The following ACOT4 variants were observed in gnomAD, a reference collection of about 807,000 sequenced individuals.
The protein encoded by ACOT4 is acyl-CoA thioesterase 4, also known as peroxisomal succinyl-coenzyme A thioesterase.
A neutral mutation model predicts 17.1 loss-of-function variants in ACOT4; 18 were observed. The ratio of observed to expected loss-of-function variants is 1.05; its 90% confidence interval spans 0.73 to 1.56. The LOEUF is 1.56. Among genes scored for constraint, ACOT4 ranks in the 40% most tolerant of loss-of-function variants. The pLI is 0.00. For missense variants in ACOT4, 574 were observed against 557.2 expected (o/e 1.03, Z -0.30); for synonymous variants, 234 against 236.6 (o/e 0.99, Z 0.10).
Position 73,595,687 on chromosome 14 carries a change from A to C in ACOT4, c.*33A>C. 1 of 1,507,970 alleles carries C rather than the reference A, an allele frequency of 6.6e-7. No homozygotes were observed. 93.4% of individuals were successfully genotyped at this position (1,507,970 alleles called of 1,614,324 possible). Reference sequence around the variant, plus strand: ...GTCTGTTGTTGACATGAGAGATTCAAGATCAGATTCTAGTGTTCAGTAACC... The same window carrying C: ...GTCTGTTGTTGACATGAGAGATTCACGATCAGATTCTAGTGTTCAGTAACC... On this transcript the variant is annotated 3_prime_UTR_variant, in exon 3 of 3. Coordinates refer to ENST00000326303, the MANE Select transcript of ACOT4 (RefSeq NM_152331.4).
intron 1 of ACOT4, among the ~76,000 whole-genome samples, chr14:73,593,114 G>A (rs1327224057): frequency 1.3e-5 from 2 of 152,176 alleles, no homozygotes; most frequent in African/African-American, 2.4e-5. Context: ...GTCTTCTCTA[G>A]TGTTCTAGGC....
At chr14:73,592,860 G>C (rs1450583576) in intron 1 of ACOT4, among the ~76,000 whole-genome samples, 2 of 151,438 alleles carry the variant, frequency 1.3e-5, no homozygotes, top group Non-Finnish European at 3.0e-5. Context: ...CTCAAAAAAA[G>C]AAAAAAGAAA....
rs769874263 is a variant in ACOT4, at chr14:73,595,458, G to A, written c.1070G>A (p.Gly357Glu). ...AAACCCCAGATCATCTGTTACCCTG[G>A]GACTGGGCATTACATCGAGCCTCCT... is the stretch of plus-strand genomic sequence containing the variant. ...KEKPQIICYP[G>E]TGHYIEPPYF... The change falls in exon 3 of 3, where the codon GGG becomes GAG. Residue 357 changes from glycine (G) to glutamate (E), a missense_variant. Physicochemically the swap from Gly to Glu is moderately conservative, Grantham distance 98. Coordinates refer to ENST00000326303, the MANE Select transcript of ACOT4 (RefSeq NM_152331.4). 25 of 1,614,060 alleles carry A rather than the reference G, an allele frequency of 1.5e-5. No homozygotes were observed. Among genetic ancestry groups the A allele is most frequent in the Non-Finnish European group, 2.1e-5 (25 of 1,180,044 alleles).
rs747178069 is a variant in ACOT4, at chr14:73,593,715, C to A, written c.471C>A (p.Phe157Leu). 5.0e-6 allele frequency: 8 copies of A among 1,611,674 alleles called. No individual in the cohort carries two copies. The South Asian group carries it at 8.8e-5, about 18-fold the overall frequency. ...TTTGTTCTCTAGGACCTGGACCCTT[C>A]CCAGGGATCATTGACATCTTTGGTA... is the stretch of plus-strand genomic sequence containing the variant. ...TLFLPPGPGP[F>L]PGIIDIFGIG... is the part of the protein sequence containing the mutation. The change falls in exon 2 of 3, where the codon TTC (phenylalanine) becomes TTA (leucine). Residue 157 changes from phenylalanine (F) to leucine (L), a missense_variant. Phe to Leu is a conservative substitution (Grantham distance 22). Transcript: ENST00000326303.
In ACOT4 at chr14:73,595,598, G is replaced by C. The variant is rs1890234747; in HGVS notation, c.1210G>C (p.Ala404Pro). The stretch of plus-strand genomic sequence containing the variant: ...GGAAGATGCCTGGAAGCAAATTCTA[G>C]CCTTCTTCTGCAAACACCTGGGAGG... ...AQEDAWKQIL[A>P]FFCKHLGGTQ... The change falls in exon 3 of 3, where the codon GCC (alanine) becomes CCC (proline). Residue 404 changes from alanine (A) to proline (P), a missense_variant. Physicochemically the swap from Ala to Pro is conservative, Grantham distance 27 (BLOSUM62 -1). Transcript: ENST00000326303. 1 of 1,564,332 alleles carries C rather than the reference G, an allele frequency of 6.4e-7. No individual in the cohort carries two copies. Among genetic ancestry groups the C allele is most frequent in the South Asian group, 1.2e-5 (1 of 84,442 alleles).
Position 73,592,345 on chromosome 14 carries a change from T to G in ACOT4, c.386T>G (p.Phe129Cys). 1 of 1,597,760 alleles carries G rather than the reference T, an allele frequency of 6.3e-7. No individual in the cohort carries two copies. Among genetic ancestry groups the G allele is most frequent in the Non-Finnish European group, 8.5e-7 (1 of 1,173,496 alleles). The change falls in exon 1 of 3, where the codon TTC becomes TGC. Residue 129 changes from phenylalanine to cysteine, a missense_variant. By Grantham distance (205) the Phe-to-Cys change is radical. Coordinates refer to ENST00000326303, the MANE Select transcript of ACOT4 (RefSeq NM_152331.4). Reference protein sequence around the residue: ...LLCQAQHERHFLPPGVRRQSV... With the variant: ...LLCQAQHERHCLPPGVRRQSV... ...TGCCAGGCGCAGCACGAGCGCCACT[T>G]CCTCCCGCCAGGGGTGCGGCGCCAG...
Position 73,592,067 on chromosome 14 carries a change from G to A in ACOT4, c.108G>A (p.Ala36=), listed in dbSNP as rs1890158040. The A allele has an allele frequency of 1.4e-6, 2 of 1,479,936 alleles. No individual in the cohort carries two copies. Among genetic ancestry groups the A allele is most frequent in the Non-Finnish European group, 8.9e-7 (1 of 1,117,376 alleles). 91.7% of individuals were successfully genotyped at this position (1,479,936 alleles called of 1,614,324 possible). A position where few individuals can be genotyped will look rare whatever the true frequency, so the allele number is the denominator to read the frequency against. Residue 36 remains alanine, a synonymous_variant, in exon 1 of 3, where the codon GCG becomes GCA. Coordinates refer to ENST00000326303, the MANE Select transcript of ACOT4 (RefSeq NM_152331.4). ...LAPEQRVTLR[A]SLRDEKGALF... ...CGGAGCAGCGGGTTACGCTGCGCGC[G>A]TCCCTGCGCGACGAGAAGGGCGCGC...
At position 73,595,712 on chromosome 14, in the gene ACOT4, C is replaced by G; in HGVS notation, c.*58C>G. The G allele has an allele frequency of 1.3e-6, 2 of 1,486,364 alleles. No individual in the cohort carries two copies. Among genetic ancestry groups the G allele is most frequent in the South Asian group, 1.5e-5 (1 of 68,920 alleles). The allele number at this position is 1,486,364 out of a possible 1,614,324, so 92.1% of individuals were successfully genotyped here. ...AGATCAGATTCTAGTGTTCAGTAAC[C>G]CTATGTGAATCAGATGTCTCCTGGA... On this transcript the variant is annotated 3_prime_UTR_variant, in exon 3 of 3. Transcript: ENST00000326303.
Position 73,595,565 on chromosome 14 carries a change from A to G in ACOT4, c.1177A>G (p.Lys393Glu). ...IWGGEPRAHS[K>E]AQEDAWKQIL... ...GGGTGGGGAGCCCAGGGCTCATTCT[A>G]AGGCCCAGGAAGATGCCTGGAAGCA... The change falls in exon 3 of 3, where the codon AAG (lysine) becomes GAG (glutamate). Residue 393 changes from lysine to glutamate, a missense_variant. Physicochemically the swap from Lys to Glu is moderately conservative, Grantham distance 56. Transcript: ENST00000326303. The G allele has an allele frequency of 6.3e-7, 1 of 1,584,926 alleles. No individual in the cohort carries two copies. The highest frequency in any genetic ancestry group is 8.6e-7 in the Non-Finnish European group (1 of 1,161,730).
Position 73,595,250 on chromosome 14 carries a change from G to C in ACOT4, c.862G>C (p.Gly288Arg), listed in dbSNP as rs1045318215. 2 of 1,614,054 alleles carry C rather than the reference G, an allele frequency of 1.2e-6. No homozygotes were observed. The highest frequency in any genetic ancestry group is 1.7e-6 in the Non-Finnish European group (2 of 1,180,054). The change falls in exon 3 of 3, where the codon GGC becomes CGC. Residue 288 changes from glycine to arginine, a missense_variant. Gly to Arg is a moderately radical substitution (Grantham distance 125). Transcript: ENST00000326303. ...DLRRIKVAFS[G>R]LVDIVDIRNA... ...GAGGAGAATCAAGGTAGCTTTCTCA[G>C]GCCTCGTGGACATTGTGGATATAAG...
Position 73,595,475 on chromosome 14 carries a change from G to T in ACOT4, c.1087G>T (p.Glu363Ter), listed in dbSNP as rs751971603. Residue 363 changes from glutamate to a stop codon, truncating the protein, a stop_gained, in exon 3 of 3, where the codon GAG becomes TAG. Coordinates refer to ENST00000326303, the MANE Select transcript of ACOT4 (RefSeq NM_152331.4). LOFTEE classifies it low-confidence loss of function (END_TRUNC). ...ICYPGTGHYI[E>*]PPYFPLCPAS... Reference sequence around the variant, plus strand: ...TTACCCTGGGACTGGGCATTACATCGAGCCTCCTTACTTCCCCCTGTGCCC... The same window carrying T: ...TTACCCTGGGACTGGGCATTACATCTAGCCTCCTTACTTCCCCCTGTGCCC... 16 of 1,613,934 alleles carry T rather than the reference G, an allele frequency of 9.9e-6. No homozygotes were observed. Among genetic ancestry groups the T allele is most frequent in the Non-Finnish European group, 1.4e-5 (16 of 1,179,962 alleles).
intron 1 of ACOT4, among the ~76,000 whole-genome samples, 168 bp from the exon 2 acceptor site, chr14:73,593,534 G>A (rs915523612): frequency 6.6e-6 from 1 of 151,334 alleles, no homozygotes; most frequent in Non-Finnish European, 1.5e-5. Context: ...GTAGAGATGG[G>A]GTCTCACTAC....
chr14:73,592,012 C>G lies in ACOT4; in HGVS notation c.53C>G (p.Pro18Arg). 2.8e-6 allele frequency: 4 copies of G among 1,433,886 alleles called. No individual in the cohort carries two copies. Among genetic ancestry groups the G allele is most frequent in the Non-Finnish European group, 3.6e-6 (4 of 1,096,162 alleles). 88.8% of individuals were successfully genotyped at this position (1,433,886 alleles called of 1,614,324 possible). ...CCAGGCCGCTGCTGCTGGAACGAGC[C>G]GGTGCGCATTGCCGTGCGCGGCCTG... Reference protein sequence around the residue: ...EPPGRCCWNEPVRIAVRGLAP... With the variant: ...EPPGRCCWNERVRIAVRGLAP... Residue 18 changes from proline (P) to arginine (R), a missense_variant, in exon 1 of 3, where the codon CCG (proline) becomes CGG (arginine). Physicochemically the swap from Pro to Arg is moderately radical, Grantham distance 103. Coordinates refer to ENST00000326303, the MANE Select transcript of ACOT4 (RefSeq NM_152331.4).
At position 73,595,091 on chromosome 14, in the gene ACOT4, G is replaced by A. The variant is rs979429208; in HGVS notation, c.703G>A (p.Ala235Thr). The change falls in exon 3 of 3, where the codon GCT becomes ACT. Residue 235 changes from alanine (A) to threonine (T), a missense_variant. Physicochemically the swap from Ala to Thr is moderately conservative, Grantham distance 58. Transcript: ENST00000326303. ...TGGGCTTTTGGGCATTTCTCTAGGA[G>A]CTGATATTTGTCTCTCAATGGCCTC... ...GIGLLGISLG[A>T]DICLSMASFL... The A allele has an allele frequency of 2.5e-6, 4 of 1,614,014 alleles. No individual in the cohort carries two copies. The highest frequency in any genetic ancestry group is 2.5e-6 in the Non-Finnish European group (3 of 1,180,036).
At position 73,595,535 on chromosome 14, in the gene ACOT4, A is replaced by C. The variant is rs745754725; in HGVS notation, c.1147A>C (p.Ile383Leu). The change falls in exon 3 of 3, where the codon ATA becomes CTA. Residue 383 changes from isoleucine (I) to leucine (L), a missense_variant. Coordinates refer to ENST00000326303, the MANE Select transcript of ACOT4 (RefSeq NM_152331.4). ...TCACAGATTACTGAACAAACATGTT[A>C]TATGGGGTGGGGAGCCCAGGGCTCA... ...SLHRLLNKHVIWGGEPRAHSK... is the reference protein window; with the variant it reads ...SLHRLLNKHVLWGGEPRAHSK... The C allele has an allele frequency of 3.9e-5, 63 of 1,610,884 alleles. No individual in the cohort carries two copies. Among genetic ancestry groups the C allele is most frequent in the Non-Finnish European group, 5.3e-5 (62 of 1,177,446 alleles).
intron 1 of ACOT4, among the ~76,000 whole-genome samples, chr14:73,592,678 C>A (rs1890175644): frequency 6.6e-6 from 1 of 152,052 alleles, no homozygotes; most frequent in South Asian, 2.1e-4. Context: ...CATGGTGAAA[C>A]GCTGACTCTA....
At position 73,593,656 on chromosome 14, in the gene ACOT4, C is replaced by A. The variant is rs749197221; in HGVS notation, c.458-46C>A. ...CAGTGTCCAGCCAGGAAAGCAAATT[C>A]TTTAAATTGTATAATGGCTTACATT... On this transcript the variant is annotated intron_variant, in intron 1 of 2. Transcript: ENST00000326303. 6.5e-6 allele frequency: 10 copies of A among 1,528,712 alleles called. No homozygotes were observed. In the African/African-American group the frequency reaches 6.9e-5, roughly 11 times the overall value. 94.7% of individuals were successfully genotyped at this position (1,528,712 alleles called of 1,614,324 possible).
In ACOT4 at chr14:73,592,154, A is replaced by C. The variant is rs752412509; in HGVS notation, c.195A>C (p.Ala65=). The part of the protein sequence containing the change: ...DARGELDLER[A]PALGGSFAGL... ...GCGGCGAGCTGGACCTGGAGCGCGC[A>C]CCCGCGCTGGGCGGCAGCTTCGCGG... The change falls in exon 1 of 3, where the codon GCA becomes GCC. Residue 65 remains alanine, a synonymous_variant. Transcript: ENST00000326303. 8 of 1,596,702 alleles carry C rather than the reference A, an allele frequency of 5.0e-6. No individual in the cohort carries two copies. The highest frequency in any genetic ancestry group is 6.8e-6 in the Non-Finnish European group (8 of 1,172,822).
At position 73,595,458 on chromosome 14, in the gene ACOT4, G is replaced by C. The variant is rs769874263; in HGVS notation, c.1070G>C (p.Gly357Ala). ...KEKPQIICYP[G>A]TGHYIEPPYF... ...AAACCCCAGATCATCTGTTACCCTG[G>C]GACTGGGCATTACATCGAGCCTCCT... Residue 357 changes from glycine (G) to alanine (A), a missense_variant, in exon 3 of 3, where the codon GGG becomes GCG. Physicochemically the swap from Gly to Ala is moderately conservative, Grantham distance 60. Transcript: ENST00000326303. 6.2e-7 allele frequency: 1 copy of C among 1,614,060 alleles called. No individual in the cohort carries two copies. The highest frequency in any genetic ancestry group is 1.3e-5 in the African/African-American group (1 of 74,916).
Sources: allele counts gnomAD v4.1 joint callset (sites outside exome capture counted in the v4.1 genomes callset), GRCh38; gene constraint gnomAD v4.1.1; transcripts MANE v1.5; gene names NCBI Gene and HGNC (gene_info 2026-07-23, HGNC 2026-07-21).